The following CACNA1C variants were observed in gnomAD, a reference collection of about 807,000 sequenced individuals.
The protein encoded by CACNA1C is voltage-dependent L-type calcium channel subunit alpha-1C.
Under a neutral mutation model 229.0 loss-of-function variants are expected in CACNA1C, and 30 were observed. That is an observed-to-expected ratio of 0.13 (90% CI 0.10 to 0.18). The LOEUF (loss-of-function observed/expected upper bound fraction) is 0.18. Ranked by LOEUF, CACNA1C falls within the 10% of genes least tolerant of loss-of-function variation. CACNA1C has a pLI of 1.00. For synonymous variants in CACNA1C, 1,114 were observed against 1,132.5 expected (o/e 0.98, Z 0.33); for missense variants, 1,658 against 2,845.0 (o/e 0.58, Z 9.49).
Position 2,482,524 on chromosome 12 carries a change from C to T in CACNA1C, c.758-3580C>T, listed in dbSNP as rs1005313772. Among the ~76,000 whole-genome samples, 13 of 152,154 alleles carry T rather than the reference C, an allele frequency of 8.5e-5. No individual in the cohort carries two copies. In the East Asian group the frequency reaches 9.6e-4, roughly 11 times the overall value. ...TAGTGCCTACTTCCTAGGTTGTTGC[C>T]GGGAGGAGATGGAATGATCCAATAG... is the stretch of plus-strand genomic sequence containing the variant. On this transcript the variant is annotated intron_variant, in intron 5 of 46. Coordinates refer to ENST00000399655, the MANE Select transcript of CACNA1C (RefSeq NM_000719.7).
intron 9 of CACNA1C, among the ~76,000 whole-genome samples, chr12:2,531,554 C>T (rs2099841103): frequency 6.6e-6 from 1 of 152,328 alleles, no homozygotes; most frequent in Admixed American, 6.5e-5. Flanking sequence ...CATTCCAGAA[C>T]AAGTCTGTGG....
rs35226766 is a variant in CACNA1C at position 2,040,154 on chromosome 12, A to ATTT, written c.139+68961_139+68963dup. On this transcript the variant is annotated intron_variant, in intron 1 of 46. Transcript: ENST00000682462. ...GAGGATGGACAGCAAAACTCCATCT[A>ATTT]TTTTTTTTTTGTTCGTTTGTTTCTG... Among the ~76,000 whole-genome samples, 673 of 148,644 alleles carry ATTT rather than the reference A, an allele frequency of 4.5e-3. 6 individuals are homozygous for ATTT. Among genetic ancestry groups the ATTT allele is most frequent in the African/African-American group, 0.016 (648 of 40,700 alleles).
intron 3 of CACNA1C, among the ~76,000 whole-genome samples, chr12:2,435,875 C>T (rs141510746): frequency 1.3e-3 from 203 of 152,274 alleles, no homozygotes; most frequent in African/African-American, 4.2e-3. Context: ...GAAAGCAGGC[C>T]GTCGTGCCAT....
At chr12:2,069,293 C>G (rs1377538395) in intron 1 of CACNA1C, among the ~76,000 whole-genome samples, 1 of 152,170 alleles carries the variant, frequency 6.6e-6, no homozygotes, top group Non-Finnish European at 1.5e-5. Context: ...GGGTCATCAA[C>G]TTACATCTTT....
At chr12:2,304,082 C>T (rs1043228187) in intron 3 of CACNA1C, among the ~76,000 whole-genome samples, 1 of 152,172 alleles carries the variant, frequency 6.6e-6, no homozygotes, top group African/African-American at 2.4e-5. Flanking sequence ...CCAGGAGATA[C>T]TTGGGCTCCC....
intron 3 of CACNA1C, among the ~76,000 whole-genome samples, chr12:2,268,640 T>C (rs564945473): frequency 6.6e-6 from 1 of 152,020 alleles, no homozygotes; most frequent in African/African-American, 2.4e-5. Context: ...GGGACCCTAA[T>C]GGACAGAGGA....
rs576445705 is a variant in CACNA1C, at chr12:1,971,289, C to T, written c.139+88C>T. 1.4e-6 allele frequency: 1 copy of T among 726,908 alleles called. No individual in the cohort carries two copies. Among genetic ancestry groups the T allele is most frequent in the African/African-American group, 1.8e-5 (1 of 54,560 alleles). 45.0% of individuals were successfully genotyped at this position (726,908 alleles called of 1,614,324 possible). On this transcript the variant is annotated intron_variant, in intron 1 of 46. Transcript: ENST00000682462. The surrounding 1 kb of genome is among the most constrained non-coding windows in gnomAD (Gnocchi z 4.2). Reference sequence around the variant, plus strand: ...CTAATGATACCTAGAATGTGACTTCCTCACTCTAAGAACTCATCTCTCCAT... The same window carrying T: ...CTAATGATACCTAGAATGTGACTTCTTCACTCTAAGAACTCATCTCTCCAT...
chr12:2,491,962 T>TTCTCTCTCTCTC (rs57394200), intron 6 of CACNA1C, among the ~76,000 whole-genome samples: 1 of 147,132 alleles, frequency 6.8e-6, no homozygotes, highest in Non-Finnish European at 1.5e-5. Flanking sequence ...TATAAGCAAA[T>TTCTCTCTCTCTC]TCTCTCTCTC....
chr12:2,459,163 G>C, intron 5 of CACNA1C, among the ~76,000 whole-genome samples: 1 of 78,890 alleles, frequency 1.3e-5, no homozygotes, highest in Non-Finnish European at 2.4e-5. Flanking sequence ...TTGTTTTTTT[G>C]TGTGTGTTTT....
chr12:2,304,432 C>T (rs1000662511), intron 3 of CACNA1C, among the ~76,000 whole-genome samples: 4 of 152,206 alleles, frequency 2.6e-5, no homozygotes, highest in South Asian at 2.1e-4. Context: ...AACCCGGCAC[C>T]GAGGCAGATC....
Position 2,665,796 on chromosome 12 carries a change from C to A in CACNA1C, c.4526+88C>A. 7.6e-7 allele frequency: 1 copy of A among 1,324,218 alleles called. No individual in the cohort carries two copies. The highest frequency in any genetic ancestry group is 1.0e-6 in the Non-Finnish European group (1 of 972,460). 82.0% of individuals were successfully genotyped at this position (1,324,218 alleles called of 1,614,324 possible). A position where few individuals can be genotyped will look rare whatever the true frequency, so the allele number is the denominator to read the frequency against. The stretch of plus-strand genomic sequence containing the variant: ...GCAGGAGGGGCTCAAGGTTGGCCAA[C>A]ACTGGGTGGATCAATTAGAAACACT... On this transcript the variant is annotated intron_variant, in intron 36 of 46. Transcript: ENST00000399655. This position sits in a 1 kb window ranked among gnomAD's most constrained non-coding sequence, Gnocchi z 5.9.
chr12:2,107,185 G>T (rs1371653887), intron 1 of CACNA1C, among the ~76,000 whole-genome samples: 1 of 148,860 alleles, frequency 6.7e-6, no homozygotes, highest in Non-Finnish European at 1.5e-5. Context: ...GCTCACCCTG[G>T]AGAGGGTTTC....
intron 3 of CACNA1C, among the ~76,000 whole-genome samples, chr12:2,356,200 T>G (rs1291601128): frequency 6.6e-6 from 1 of 152,220 alleles, no homozygotes; most frequent in Non-Finnish European, 1.5e-5. Context: ...GACTGGGGAC[T>G]TAGGGATGAG....
chr12:2,110,598 C>T (rs1465669192), intron 1 of CACNA1C, among the ~76,000 whole-genome samples: 2 of 152,188 alleles, frequency 1.3e-5, no homozygotes, highest in African/African-American at 2.4e-5. Flanking sequence ...GCTGCCTGCC[C>T]TACCTTCATG....
rs1327545993 is a variant in CACNA1C at position 2,665,565 on chromosome 12, G to T, written c.4399-16G>T. ...GAAGGTCTTCTCACAGCACCTCATT[G>T]TACTGTTCCCCACAGATCATCAACC... is the stretch of plus-strand genomic sequence containing the variant. On this transcript the variant is annotated splice_polypyrimidine_tract_variant and intron_variant, in intron 35 of 46. Coordinates refer to ENST00000399655, the MANE Select transcript of CACNA1C (RefSeq NM_000719.7). This position sits in a 1 kb window ranked among gnomAD's most constrained non-coding sequence, Gnocchi z 5.9. 4.3e-6 allele frequency: 7 copies of T among 1,612,554 alleles called. No individual in the cohort carries two copies. The East Asian group carries it at 6.7e-5, about 15-fold the overall frequency.
intron 3 of CACNA1C, among the ~76,000 whole-genome samples, chr12:2,154,816 GCCT>G (rs1233893507): frequency 6.6e-6 from 1 of 152,168 alleles, no homozygotes; most frequent in African/African-American, 2.4e-5. Flanking sequence ...TCGTTTATCA[GCCT>G]TGTCTTGCCA....
At chr12:2,551,035 G>T (rs2099900603) in intron 10 of CACNA1C, among the ~76,000 whole-genome samples, 1 of 152,208 alleles carries the variant, frequency 6.6e-6, no homozygotes, top group African/African-American at 2.4e-5. Flanking sequence ...AAGCAGCAGT[G>T]CAAACCTCTT....
Position 2,155,721 on chromosome 12 carries a change from GCGAAAA to G in CACNA1C, c.477+35294_477+35299del, listed in dbSNP as rs1400858843. ...TCAAATGAGGGTGTCTCCTTTCCTA[GCGAAAA>G]CGGGCACTTAGACTAGTTTAGAGCC... On this transcript the variant is annotated intron_variant, in intron 3 of 46. Transcript: ENST00000399655. Among the ~76,000 whole-genome samples, 12 of 152,278 alleles carry G rather than the reference GCGAAAA, an allele frequency of 7.9e-5. No individual in the cohort carries two copies. In the South Asian group the frequency reaches 2.5e-3, roughly 32 times the overall value.
intron 1 of CACNA1C, among the ~76,000 whole-genome samples, chr12:1,987,670 G>A (rs1380831533): frequency 2.0e-5 from 3 of 151,940 alleles, no homozygotes; most frequent in Non-Finnish European, 2.9e-5. Flanking sequence ...TTCAAAAATT[G>A]ACTGAAGAGG....
Sources: gnomAD v4.1 joint callset for allele counts (sites outside exome capture counted in the v4.1 genomes callset) on GRCh38, gnomAD v4.1.1 for gene constraint, Gnocchi (gnomAD v3.1) non-coding constraint, MANE v1.5 for transcripts, NCBI Gene and HGNC (gene_info 2026-07-23, HGNC 2026-07-21) for gene names.